The following ENPP6 variants were observed in gnomAD, a reference collection of about 807,000 sequenced individuals.
ENPP6 encodes the protein ectonucleotide pyrophosphatase/phosphodiesterase 6, also known as glycerophosphocholine cholinephosphodiesterase ENPP6.
ENPP6 carries 32 observed loss-of-function variants against 42.0 expected under a neutral mutation model. The observed-to-expected ratio is 0.76, with a 90% CI of 0.58 to 1.02. ENPP6 has a LOEUF of 1.02. ENPP6 is among the 50% of genes least tolerant of loss of function. ENPP6 has a pLI of 0.00. For missense variants in ENPP6, 552 were observed against 566.8 expected, an observed-to-expected ratio of 0.97 and a Z score of 0.27; for synonymous variants, 213 against 216.0, an observed-to-expected ratio of 0.99 and a Z score of 0.12.
At chr4:184,200,501 A>G (rs1339925799) in intron 1 of ENPP6, among the ~76,000 whole-genome samples, 3 of 152,258 alleles carry the variant, frequency 2.0e-5, no homozygotes, top group Admixed American at 1.3e-4. Flanking sequence ...CTAGTTGGCC[A>G]GAACCTAATT....
intron 2 of ENPP6, among the ~76,000 whole-genome samples, chr4:184,149,016 A>G (rs942438148): frequency 6.6e-5 from 10 of 152,216 alleles, no homozygotes; most frequent in Non-Finnish European, 1.0e-4. Flanking sequence ...TGCCTTGACT[A>G]AGGCCTCTTC....
At chr4:184,167,058 G>T (rs763563086) in intron 1 of ENPP6, among the ~76,000 whole-genome samples, 1 of 152,214 alleles carries the variant, frequency 6.6e-6, no homozygotes, top group Admixed American at 6.5e-5. Flanking sequence ...TGGGGCAGGG[G>T]TTGGGAGGTA....
chr4:184,175,903 G>T lies in ENPP6; in HGVS notation c.242-22170C>A, dbSNP rs567995672. On this transcript the variant is annotated intron_variant, in intron 1 of 7. Transcript: ENST00000296741. Reference sequence around the variant, plus strand: ...GTGGCACGTGTTTACGAAGGGAGAAGGAGGTTGGAGGAGAGAAAAGGTGTT... The same window carrying T: ...GTGGCACGTGTTTACGAAGGGAGAATGAGGTTGGAGGAGAGAAAAGGTGTT... Among the ~76,000 whole-genome samples the T allele has an allele frequency of 2.6e-5, 4 of 152,272 alleles. No individual in the cohort carries two copies. The East Asian group carries it at 7.7e-4, about 29-fold the overall frequency.
At chr4:184,168,869 G>A (rs1349200211) in intron 1 of ENPP6, among the ~76,000 whole-genome samples, 7 of 152,324 alleles carry the variant, frequency 4.6e-5, no homozygotes, top group Admixed American at 2.6e-4. Context: ...GCCTTGCCTG[G>A]GCTGTCCTGG....
Position 184,186,740 on chromosome 4 carries a change from G to GGAAT in ENPP6, c.241+30835_241+30838dup, listed in dbSNP as rs147478382. Among the ~76,000 whole-genome samples the GGAAT allele has an allele frequency of 7.7e-3, 1,175 of 152,270 alleles. 20 individuals carry two copies. The highest frequency in any genetic ancestry group is 0.025 in the African/African-American group (1,051 of 41,550). ...AAGGGTAGAGGATGACATCAGTAGT[G>GGAAT]GAATCCCAGTTCATGCATTTGCCCC... is the stretch of plus-strand genomic sequence containing the variant. On this transcript the variant is annotated intron_variant, in intron 1 of 7. Transcript: ENST00000296741.
chr4:184,115,363 A>G (rs959298556), intron 5 of ENPP6, among the ~76,000 whole-genome samples: 1 of 152,126 alleles, frequency 6.6e-6, no homozygotes, highest in Non-Finnish European at 1.5e-5. Context: ...AACTCGGGGG[A>G]CAAGCAGCCA....
At chr4:184,091,928 G>C (rs1362536515) in intron 7 of ENPP6, among the ~76,000 whole-genome samples, 6 of 152,106 alleles carry the variant, frequency 3.9e-5, no homozygotes, top group Non-Finnish European at 8.8e-5. Flanking sequence ...GACTTTCTTT[G>C]TGCATAACTG....
At chr4:184,103,337 C>T (rs1412892224) in intron 6 of ENPP6, among the ~76,000 whole-genome samples, 1 of 152,236 alleles carries the variant, frequency 6.6e-6, no homozygotes, top group East Asian at 1.9e-4. Flanking sequence ...CACAACAGGT[C>T]TCCAGGGAAC....
rs538390684 is a variant in ENPP6, at chr4:184,201,953, T to G, written c.241+15626A>C. ...AAGTTAATTCAGGTGGGAAGACAGA[T>G]TTTAACTGTGCATCCGTGAGAAATA... On this transcript the variant is annotated intron_variant, in intron 1 of 7. Coordinates refer to ENST00000296741, the MANE Select transcript of ENPP6 (RefSeq NM_153343.4). 1.9e-4 allele frequency among the ~76,000 whole-genome samples: 26 copies of G among 133,934 alleles called. No individual in the cohort carries two copies. In the South Asian group the frequency reaches 6.1e-3, roughly 31 times the overall value. 87.9% of individuals were successfully genotyped at this position (133,934 alleles called of 152,430 possible). A position where few individuals can be genotyped will look rare whatever the true frequency, so the allele number is the denominator to read the frequency against.
chr4:184,164,377 C>A (rs891698932), intron 1 of ENPP6, among the ~76,000 whole-genome samples: 5 of 152,104 alleles, frequency 3.3e-5, no homozygotes, highest in Admixed American at 6.5e-5. Context: ...CAGCATGTGA[C>A]CCTGTTTGGA....
intron 2 of ENPP6, among the ~76,000 whole-genome samples, chr4:184,146,959 C>T (rs1167052022): frequency 1.3e-5 from 2 of 152,170 alleles, no homozygotes; most frequent in African/African-American, 2.4e-5. Flanking sequence ...CCTGGGTAAA[C>T]TTCTCCATTC....
chr4:184,203,251 T>TAAAAC (rs1238109717), intron 1 of ENPP6, among the ~76,000 whole-genome samples: 3 of 152,280 alleles, frequency 2.0e-5, no homozygotes, highest in Admixed American at 6.5e-5. Context: ...ACTCTGTCTC[T>TAAAAC]AAAACAAAAC....
intron 1 of ENPP6, among the ~76,000 whole-genome samples, chr4:184,173,477 G>A (rs1355758482): frequency 6.6e-6 from 1 of 152,180 alleles, no homozygotes; most frequent in Non-Finnish European, 1.5e-5. Flanking sequence ...TGAATTCGAC[G>A]ACCAAGAAGG....
At chr4:184,195,112 T>G (rs945620565) in intron 1 of ENPP6, among the ~76,000 whole-genome samples, 32 of 152,324 alleles carry the variant, frequency 2.1e-4, no homozygotes, top group African/African-American at 7.5e-4. Flanking sequence ...TTTTATTTAT[T>G]TTTGTATATT....
intron 1 of ENPP6, among the ~76,000 whole-genome samples, chr4:184,157,411 T>C (rs28599873): frequency 2.9e-5 from 2 of 68,696 alleles, no homozygotes; most frequent in Middle Eastern, 0.013. Flanking sequence ...TTCTTTCTCT[T>C]TCTTTCTTTC....
intron 3 of ENPP6, among the ~76,000 whole-genome samples, chr4:184,119,576 T>C (rs538060617): frequency 6.6e-6 from 1 of 152,282 alleles, no homozygotes; most frequent in South Asian, 2.1e-4. Flanking sequence ...AGGCCTCAGA[T>C]AAATGGCAAG....
At chr4:184,155,865 A>T (rs1737150193) in intron 1 of ENPP6, among the ~76,000 whole-genome samples, 1 of 152,194 alleles carries the variant, frequency 6.6e-6, no homozygotes, top group African/African-American at 2.4e-5. Context: ...CAACGCACAT[A>T]TTTAGCACTC....
At chr4:184,110,586 A>G (rs1024925656) in intron 6 of ENPP6, among the ~76,000 whole-genome samples, 1 of 152,228 alleles carries the variant, frequency 6.6e-6, no homozygotes, top group Non-Finnish European at 1.5e-5. Context: ...AGTAGGAGAC[A>G]TACAAACAGA....
chr4:184,131,141 C>G (rs1177464209), intron 2 of ENPP6, among the ~76,000 whole-genome samples: 1 of 13,100 alleles, frequency 7.6e-5, no homozygotes, highest in Non-Finnish European at 1.6e-4. Context: ...CCAGCACTTA[C>G]TTTCTTTCTT....
Sources: gnomAD v4.1 joint callset for allele counts (sites outside exome capture counted in the v4.1 genomes callset) on GRCh38, gnomAD v4.1.1 for gene constraint, MANE v1.5 for transcripts, NCBI Gene and HGNC (gene_info 2026-07-23, HGNC 2026-07-21) for gene names.